Variants in SPECC1 observed in about 807,000 individuals in gnomAD.
SPECC1 encodes the protein sperm antigen with calponin homology and coiled-coil domains 1.
SPECC1 carries 62 observed loss-of-function variants against 104.1 expected under a neutral mutation model. The ratio of observed to expected loss-of-function variants is 0.60; its 90% CI spans 0.49 to 0.74. SPECC1 has a LOEUF of 0.74. SPECC1 is among the 30% of genes least tolerant of loss of function. SPECC1 has a pLI of 0.00. For missense variants in SPECC1, 1,306 were observed against 1,310.5 expected (o/e 1.00, Z 0.05); for synonymous variants, 513 against 501.6 (o/e 1.02, Z -0.30).
intron 1 of SPECC1, among the ~76,000 whole-genome samples, chr17:20,088,027 A>C (rs568331440): frequency 6.6e-6 from 1 of 152,214 alleles, no homozygotes; most frequent in Admixed American, 6.5e-5. Context: ...AACTAGCTGC[A>C]CATGCTCAGG....
intron 1 of SPECC1, among the ~76,000 whole-genome samples, chr17:20,088,034 C>T (rs2047244366): frequency 6.6e-6 from 1 of 152,074 alleles, no homozygotes; most frequent in African/African-American, 2.4e-5. Context: ...TGCACATGCT[C>T]AGGGAGCTGG....
At chr17:20,021,953 A>G (rs1179725959) in intron 1 of SPECC1, among the ~76,000 whole-genome samples, 2 of 149,972 alleles carry the variant, frequency 1.3e-5, no homozygotes, top group Admixed American at 1.3e-4. Context: ...TTATTATTAT[A>G]TTTTTTGAGA....
chr17:20,270,207 A>G (rs940930063), intron 12 of SPECC1, among the ~76,000 whole-genome samples: 2 of 152,090 alleles, frequency 1.3e-5, no homozygotes, highest in Non-Finnish European at 2.9e-5. Flanking sequence ...GTTGCACAAC[A>G]TTGGGAATGT....
At chr17:20,247,512 A>G (rs73981871) in intron 9 of SPECC1, among the ~76,000 whole-genome samples, 193 bp downstream of exon 9, 2,944 of 152,282 alleles carry the variant, frequency 0.019, 99 homozygotes, top group African/African-American at 0.067. Context: ...ATGAGGTCAG[A>G]TATTTTTGTT....
chr17:20,170,789 T>G (rs2034029329), intron 3 of SPECC1, among the ~76,000 whole-genome samples: 1 of 152,218 alleles, frequency 6.6e-6, no homozygotes, highest in African/African-American at 2.4e-5. Context: ...TGGTTGAGTG[T>G]TAAGATTACG....
At chr17:20,253,651 C>A in intron 10 of SPECC1, 65 bp downstream of exon 10, 2 of 1,466,710 alleles carry the variant, frequency 1.4e-6, no homozygotes, top group Non-Finnish European at 1.9e-6. Context: ...TTCTTCATTT[C>A]TCTGCATGAA....
intron 12 of SPECC1, among the ~76,000 whole-genome samples, chr17:20,263,771 G>A (rs891908712): frequency 4.6e-5 from 7 of 152,152 alleles, no homozygotes; most frequent in Non-Finnish European, 8.8e-5. Context: ...GACAATTCAC[G>A]TTTTCAGAAG....
Position 20,134,414 on chromosome 17 carries a change from A to G in SPECC1, c.283+23852A>G, listed in dbSNP as rs550025806. 2.0e-5 allele frequency among the ~76,000 whole-genome samples: 3 copies of G among 151,794 alleles called. No individual in the cohort carries two copies. The East Asian group carries it at 5.8e-4, about 29-fold the overall frequency. On this transcript the variant is annotated intron_variant, in intron 3 of 14. Coordinates refer to ENST00000395527, the MANE Select transcript of SPECC1 (RefSeq NM_001243439.2). ...ACCCACCCCTCTGCATGACTCCATA[A>G]CATCCTTTCACTGCCCCATACTCAG...
intron 12 of SPECC1, among the ~76,000 whole-genome samples, chr17:20,285,964 C>T (rs1266636866): frequency 6.6e-6 from 1 of 152,172 alleles, no homozygotes; most frequent in Non-Finnish European, 1.5e-5. Context: ...TAGGCATGCA[C>T]TATCATGCCT....
At chr17:20,041,578 T>G (rs1458499249) in intron 1 of SPECC1, among the ~76,000 whole-genome samples, 3 of 151,636 alleles carry the variant, frequency 2.0e-5, no homozygotes, top group Non-Finnish European at 4.4e-5. Flanking sequence ...CCAAGATTTT[T>G]TTTTCATTTG....
chr17:20,036,625 T>C (rs2045095977), intron 1 of SPECC1, among the ~76,000 whole-genome samples: 1 of 152,244 alleles, frequency 6.6e-6, no homozygotes, highest in South Asian at 2.1e-4. Context: ...AGTTACCATG[T>C]TGTGCAATAG....
At chr17:20,015,584 A>ATTTTTTTTTTTTTTTT (rs1222758913) in intron 1 of SPECC1, among the ~76,000 whole-genome samples, 1 of 102,072 alleles carries the variant, frequency 9.8e-6, no homozygotes, top group African/African-American at 3.5e-5. Flanking sequence ...CCGGGTCTCT[A>ATTTTTTTTTTTTTTTT]TTTTTTTTTT....
chr17:20,219,654 T>G lies in SPECC1; in HGVS notation c.1864-7759T>G, dbSNP rs558636948. Among the ~76,000 whole-genome samples the G allele has an allele frequency of 2.6e-5, 4 of 152,336 alleles. No individual in the cohort carries two copies. In the South Asian group the frequency reaches 8.3e-4, roughly 32 times the overall value. On this transcript the variant is annotated intron_variant, in intron 4 of 14. Transcript: ENST00000395527. Reference sequence around the variant, plus strand: ...TCTCTTCACTTTGTTGATTGTTTCCTTTGCTGTGCAGAAGCTTTTTAACTT... The same window carrying G: ...TCTCTTCACTTTGTTGATTGTTTCCGTTGCTGTGCAGAAGCTTTTTAACTT...
At chr17:20,169,818 T>C (rs1277695666) in intron 3 of SPECC1, among the ~76,000 whole-genome samples, 1 of 152,200 alleles carries the variant, frequency 6.6e-6, no homozygotes, top group African/African-American at 2.4e-5. Flanking sequence ...TTTAAACATT[T>C]CTAACTCAGA....
At chr17:20,232,566 A>G (rs1405675542) in intron 7 of SPECC1, 161 bp downstream of exon 7, 1 of 787,888 alleles carries the variant, frequency 1.3e-6, no homozygotes, top group East Asian at 2.7e-5. Flanking sequence ...AACATTCTGT[A>G]CAGTACCCAG....
At chr17:20,201,309 A>AC (rs1467940868) in intron 3 of SPECC1, among the ~76,000 whole-genome samples, 1 of 151,880 alleles carries the variant, frequency 6.6e-6, no homozygotes, top group African/African-American at 2.4e-5. Flanking sequence ...AAAAAAAAAA[A>AC]ACAAAAAAAC....
At chr17:20,137,324 G>A (rs1288610334) in intron 3 of SPECC1, among the ~76,000 whole-genome samples, 1 of 152,232 alleles carries the variant, frequency 6.6e-6, no homozygotes, top group African/African-American at 2.4e-5. Context: ...GGAGCATCGT[G>A]TGTGATGTTG....
At chr17:20,075,485 A>T (rs1228284441) in intron 1 of SPECC1, among the ~76,000 whole-genome samples, 1 of 152,202 alleles carries the variant, frequency 6.6e-6, no homozygotes, top group Non-Finnish European at 1.5e-5. Flanking sequence ...ACTTAATCCC[A>T]CACTTTAAAG....
At chr17:20,140,223 C>T (rs745342706) in intron 3 of SPECC1, among the ~76,000 whole-genome samples, 4 of 152,170 alleles carry the variant, frequency 2.6e-5, no homozygotes, top group Non-Finnish European at 4.4e-5. Flanking sequence ...TTTGTTCACT[C>T]ATCTTTAGTT....
Sources: allele counts gnomAD v4.1 joint callset (sites outside exome capture counted in the v4.1 genomes callset), GRCh38; gene constraint gnomAD v4.1.1; transcripts MANE v1.5; gene names NCBI Gene and HGNC (gene_info 2026-07-23, HGNC 2026-07-21).